The following GPC6 variants were observed in gnomAD, a reference collection of about 807,000 sequenced individuals.
GPC6 encodes glypican 6, also known as glypican-6.
GPC6 carries 14 observed loss-of-function variants against 55.2 expected under a neutral mutation model. The observed-to-expected ratio is 0.25, with a 90% CI of 0.17 to 0.40. The LOEUF is 0.40. Ranked by LOEUF, GPC6 falls within the 10% of genes least tolerant of loss-of-function variation. The pLI is 1.00. For synonymous variants in GPC6, 278 were observed against 259.6 expected (o/e 1.07, Z -0.68); for missense variants, 641 against 708.5 (o/e 0.90, Z 1.08).
intron 4 of GPC6, among the ~76,000 whole-genome samples, chr13:94,105,191 C>T (rs946503402): frequency 6.6e-6 from 1 of 151,992 alleles, no homozygotes; most frequent in Non-Finnish European, 1.5e-5. Context: ...CCCGTATCTA[C>T]AAAAAATAAA....
intron 1 of GPC6, among the ~76,000 whole-genome samples, chr13:93,450,103 A>G (rs969274809): frequency 2.0e-5 from 3 of 152,108 alleles, no homozygotes; most frequent in Non-Finnish European, 4.4e-5. Context: ...ACTCTTGCTC[A>G]TAGTTCTCTA....
intron 3 of GPC6, among the ~76,000 whole-genome samples, chr13:93,865,425 C>T (rs561927600): frequency 4.6e-5 from 7 of 151,830 alleles, no homozygotes; most frequent in African/African-American, 7.2e-5. Flanking sequence ...AAGGATTCTG[C>T]GGATTATGAC....
chr13:93,942,536 G>A (rs962831370), intron 3 of GPC6, among the ~76,000 whole-genome samples: 1 of 152,120 alleles, frequency 6.6e-6, no homozygotes, highest in Admixed American at 6.5e-5. Flanking sequence ...TGACCAGGTT[G>A]GTCTCAAACT....
chr13:93,239,159 G>C (rs909919959), intron 1 of GPC6, among the ~76,000 whole-genome samples: 13 of 151,796 alleles, frequency 8.6e-5, no homozygotes, highest in African/African-American at 3.1e-4. Context: ...GGTAGGATTG[G>C]TATCACTTCT....
At chr13:94,391,485 A>T (rs1216329053) in intron 7 of GPC6, among the ~76,000 whole-genome samples, 1 of 152,154 alleles carries the variant, frequency 6.6e-6, no homozygotes, top group Non-Finnish European at 1.5e-5. Flanking sequence ...TAGCTTAATG[A>T]TCTTCAAGAA....
intron 4 of GPC6, among the ~76,000 whole-genome samples, chr13:94,154,934 T>C (rs1438415089): frequency 1.3e-5 from 2 of 152,154 alleles, no homozygotes; most frequent in Non-Finnish European, 2.9e-5. Flanking sequence ...CCAAAAGCAT[T>C]GAGTATTTTT....
chr13:93,826,531 T>A (rs1038024160), intron 2 of GPC6, among the ~76,000 whole-genome samples: 3 of 152,116 alleles, frequency 2.0e-5, no homozygotes, highest in African/African-American at 7.2e-5. Context: ...TGAAAAAAAA[T>A]AGGAAAAGGA....
chr13:93,425,201 T>A (rs527272546), intron 1 of GPC6, among the ~76,000 whole-genome samples: 2 of 152,346 alleles, frequency 1.3e-5, no homozygotes, highest in African/African-American at 4.8e-5. Context: ...CAGTATTTTT[T>A]ATTTTACTTT....
chr13:93,865,795 C>G (rs924941456), intron 3 of GPC6, among the ~76,000 whole-genome samples: 5 of 151,598 alleles, frequency 3.3e-5, no homozygotes, highest in African/African-American at 1.2e-4. Context: ...AAATTTAAGG[C>G]AAAAGAAGAA....
intron 4 of GPC6, among the ~76,000 whole-genome samples, chr13:94,044,627 T>C (rs997439059): frequency 1.3e-5 from 2 of 151,914 alleles, no homozygotes; most frequent in Admixed American, 6.6e-5. Context: ...GGATGTATCT[T>C]CAGAACAGAT....
At chr13:93,679,995 G>T (rs921912323) in intron 2 of GPC6, among the ~76,000 whole-genome samples, 12 of 152,068 alleles carry the variant, frequency 7.9e-5, no homozygotes, top group Non-Finnish European at 1.8e-4. Context: ...GGAAAAATAT[G>T]CCCTCTCAGT....
intron 1 of GPC6, among the ~76,000 whole-genome samples, chr13:93,442,826 G>C (rs138268615): frequency 0.013 from 1,886 of 146,128 alleles, 20 homozygotes; most frequent in Non-Finnish European, 0.02. Context: ...AAAAATCAGA[G>C]GGACATTCTC....
chr13:93,385,776 A>G (rs1054906339), intron 1 of GPC6, among the ~76,000 whole-genome samples: 1 of 152,170 alleles, frequency 6.6e-6, no homozygotes, highest in Admixed American at 6.5e-5. Flanking sequence ...TATAGTTTAC[A>G]TAGTAATAAG....
intron 2 of GPC6, among the ~76,000 whole-genome samples, chr13:93,632,445 C>CA (rs1423768297): frequency 6.6e-6 from 1 of 151,620 alleles, no homozygotes; most frequent in African/African-American, 2.4e-5. Flanking sequence ...TTCATCTCTA[C>CA]AAAAAATACA....
chr13:94,138,351 G>A lies in GPC6; in HGVS notation c.877+110457G>A, dbSNP rs184662204. ...CTTTAATAATCACCTCACAGCCCTT[G>A]TACCAGATTGCTGAACCAAATTGTT... On this transcript the variant is annotated intron_variant, in intron 4 of 8. Transcript: ENST00000377047. 1.6e-3 allele frequency among the ~76,000 whole-genome samples: 242 copies of A among 152,252 alleles called. 2 individuals are homozygous for A. Among genetic ancestry groups the A allele is most frequent in the Middle Eastern group, 6.8e-3 (2 of 294 alleles).
At chr13:93,269,914 G>T (rs1375330868) in intron 1 of GPC6, among the ~76,000 whole-genome samples, 1 of 134,196 alleles carries the variant, frequency 7.5e-6, no homozygotes, top group East Asian at 2.1e-4. Flanking sequence ...AAAAAAAAAA[G>T]GAAATATGTG....
chr13:93,714,767 A>T (rs921772944), intron 2 of GPC6, among the ~76,000 whole-genome samples: 1 of 151,636 alleles, frequency 6.6e-6, no homozygotes, highest in Non-Finnish European at 1.5e-5. Context: ...CTCAGAGAGA[A>T]GACATGCTGG....
intron 1 of GPC6, among the ~76,000 whole-genome samples, chr13:93,316,470 C>T (rs186325171): frequency 1.3e-5 from 2 of 152,028 alleles, no homozygotes; most frequent in East Asian, 3.9e-4. Context: ...AACACATGAA[C>T]AAATTATTGT....
chr13:94,140,259 T>A (rs1173033632), intron 4 of GPC6, among the ~76,000 whole-genome samples: 1 of 152,208 alleles, frequency 6.6e-6, no homozygotes, highest in Non-Finnish European at 1.5e-5. Flanking sequence ...GAAGTTCCTC[T>A]GTGTTCATTA....
Sources: gnomAD v4.1 joint callset for allele counts (sites outside exome capture counted in the v4.1 genomes callset) on GRCh38, gnomAD v4.1.1 for gene constraint, MANE v1.5 for transcripts, NCBI Gene and HGNC (gene_info 2026-07-23, HGNC 2026-07-21) for gene names.